The following USO1 variants were observed in gnomAD, a reference collection of about 807,000 sequenced individuals.
The protein encoded by USO1 is USO1 vesicle transport factor.
USO1 carries 57 observed loss-of-function variants against 124.5 expected under a neutral mutation model. The ratio of observed to expected loss-of-function variants is 0.46; its 90% confidence interval spans 0.37 to 0.57. USO1 has a LOEUF of 0.57. Ranked by LOEUF, USO1 falls within the 20% of genes least tolerant of loss-of-function variation. USO1 has a pLI of 0.00. For missense variants in USO1, 900 were observed against 1,040.6 expected (o/e 0.86, Z 1.86); for synonymous variants, 369 against 362.8 (o/e 1.02, Z -0.19).
intron 18 of USO1, 121 bp downstream of exon 18, chr4:75,804,393 A>T: frequency 7.2e-7 from 1 of 1,398,598 alleles, no homozygotes; most frequent in Non-Finnish European, 9.4e-7. Context: ...TGGTGACAAA[A>T]ATGTAAATCG....
intron 17 of USO1, among the ~76,000 whole-genome samples, chr4:75,802,736 C>CTTTTTTT (rs997798305): frequency 8.2e-4 from 52 of 63,738 alleles, no homozygotes; most frequent in African/African-American, 2.6e-3. Flanking sequence ...TTTTTCTTTT[C>CTTTTTTT]TTTTTTTTTT....
At chr4:75,772,970 C>T (rs1216639304) in intron 7 of USO1, among the ~76,000 whole-genome samples, 4 of 151,716 alleles carry the variant, frequency 2.6e-5, no homozygotes, top group South Asian at 2.1e-4. Flanking sequence ...TAGTGGCGGG[C>T]GCCTGTAATA....
At chr4:75,765,874 G>T (rs1396732752) in intron 4 of USO1, among the ~76,000 whole-genome samples, 4 of 152,108 alleles carry the variant, frequency 2.6e-5, no homozygotes, top group African/African-American at 9.7e-5. Context: ...GGCCTTTGTA[G>T]CATCAATCCT....
In USO1 at chr4:75,724,918, G is replaced by T. The variant is rs752014152; in HGVS notation, c.66+33G>T. 4.3e-6 allele frequency: 7 copies of T among 1,611,556 alleles called. No individual in the cohort carries two copies. In the Admixed American group the frequency reaches 1.2e-4, roughly 27 times the overall value. On this transcript the variant is annotated intron_variant, in intron 1 of 23. Transcript: ENST00000514213. ...GAGCAGCGGGTCTGGGACTTGGGAAGGGGTCCGGGCAGGGACGGGGACGGA... is the reference window on the plus strand; with the variant it reads ...GAGCAGCGGGTCTGGGACTTGGGAATGGGTCCGGGCAGGGACGGGGACGGA...
intron 8 of USO1, among the ~76,000 whole-genome samples, chr4:75,776,349 A>G (rs1230391606): frequency 6.6e-6 from 1 of 152,200 alleles, no homozygotes; most frequent in Non-Finnish European, 1.5e-5. Flanking sequence ...TAATTGGGTT[A>G]TAGGGTGTTT....
chr4:75,751,556 C>T (rs992030846), intron 1 of USO1, among the ~76,000 whole-genome samples: 2 of 147,024 alleles, frequency 1.4e-5, no homozygotes. Context: ...TTTGGCCGGG[C>T]GCAGTGGCTC....
rs559078158 is a variant in USO1 at position 75,780,770 on chromosome 4, C to T, written c.677-1910C>T. Reference sequence around the variant, plus strand: ...TCAAGCAATTCTCGTACCTCAGCCTCGTGAGTAGCTGGGATTACAGGTATG... The same window carrying T: ...TCAAGCAATTCTCGTACCTCAGCCTTGTGAGTAGCTGGGATTACAGGTATG... On this transcript the variant is annotated intron_variant, in intron 8 of 23. Transcript: ENST00000514213. Among the ~76,000 whole-genome samples, 25 of 149,306 alleles carry T rather than the reference C, an allele frequency of 1.7e-4. No homozygotes were observed. In the East Asian group the frequency reaches 2.8e-3, roughly 17 times the overall value.
intron 20 of USO1, among the ~76,000 whole-genome samples, chr4:75,808,583 G>A (rs938560838): frequency 6.6e-6 from 1 of 151,720 alleles, no homozygotes; most frequent in African/African-American, 2.4e-5. Flanking sequence ...GCTTTCTCAG[G>A]TGTGCTGATT....
At chr4:75,797,171 A>G (rs186563) in intron 13 of USO1, among the ~76,000 whole-genome samples, 31 of 151,752 alleles carry the variant, frequency 2.0e-4, no homozygotes, top group African/African-American at 7.3e-4. Context: ...CTGGTCTCCA[A>G]TCCCCCCAAA....
intron 7 of USO1, 131 bp downstream of exon 7, chr4:75,771,268 A>G: frequency 1.9e-6 from 2 of 1,080,616 alleles, no homozygotes; most frequent in South Asian, 3.7e-5. Context: ...TAAAAAAATT[A>G]AAAATTAGTA....
In USO1 at chr4:75,793,855, A is replaced by G. The variant is rs755633641; in HGVS notation, c.1406A>G (p.Asn469Ser). 6.2e-7 allele frequency: 1 copy of G among 1,613,974 alleles called. No individual in the cohort carries two copies. Among genetic ancestry groups the G allele is most frequent in the Non-Finnish European group, 8.5e-7 (1 of 1,179,878 alleles). The change falls in exon 13 of 24, where the codon AAC (asparagine) becomes AGC (serine). Residue 469 changes from asparagine (N) to serine (S), a missense_variant. By Grantham distance (46) the Asn-to-Ser change is conservative. Coordinates refer to ENST00000514213, the MANE Select transcript of USO1 (RefSeq NM_003715.4). Reference sequence around the variant, plus strand: ...GTTCAACTTGCTACAAGTATTGGCAACCCTCCAGTTTCTTTACTTCAACAG... The same window carrying G: ...GTTCAACTTGCTACAAGTATTGGCAGCCCTCCAGTTTCTTTACTTCAACAG... ...LRVQLATSIG[N>S]PPVSLLQQCT...
intron 8 of USO1, among the ~76,000 whole-genome samples, chr4:75,776,923 T>G (rs528727006): frequency 7.0e-4 from 107 of 152,322 alleles, no homozygotes; most frequent in African/African-American, 2.5e-3. Flanking sequence ...GGTGTATATT[T>G]ATGTACTAAT....
chr4:75,807,465 C>G (rs910116020), intron 20 of USO1, among the ~76,000 whole-genome samples: 5 of 151,982 alleles, frequency 3.3e-5, no homozygotes, highest in African/African-American at 4.8e-5. Context: ...GCAACTGGCC[C>G]TAGTCCACTG....
rs188080472 is a variant in USO1 at position 75,811,416 on chromosome 4, C to A, written c.2584-744C>A. 7.4e-3 allele frequency among the ~76,000 whole-genome samples: 1,126 copies of A among 152,286 alleles called. 11 individuals carry two copies. Among genetic ancestry groups the A allele is most frequent in the African/African-American group, 0.019 (784 of 41,564 alleles). On this transcript the variant is annotated intron_variant, in intron 22 of 23. Transcript: ENST00000514213. ...GGTGATCTGCCCGCATTGGCCCCCC[C>A]CAAAGTGCTGGGATTACAGGCGTGA...
chr4:75,745,892 T>C (rs1350247271), intron 1 of USO1, among the ~76,000 whole-genome samples: 1 of 151,820 alleles, frequency 6.6e-6, no homozygotes, highest in Non-Finnish European at 1.5e-5. Context: ...AGAGTGAGAC[T>C]CCGTGTCAAA....
At chr4:75,731,405 T>TA (rs1720626812) in intron 1 of USO1, among the ~76,000 whole-genome samples, 1 of 151,908 alleles carries the variant, frequency 6.6e-6, no homozygotes, top group Non-Finnish European at 1.5e-5. Context: ...CTGCTAAAAA[T>TA]ACAAAAATTA....
chr4:75,782,559 CT>C, intron 8 of USO1, 120 bp from the exon 9 acceptor site: 1 of 1,320,916 alleles, frequency 7.6e-7, no homozygotes, highest in Non-Finnish European at 1.0e-6. Context: ...AGCAGACTGT[CT>C]ATCTGCCTGG....
chr4:75,812,857 T>C (rs1339275699), intron 23 of USO1, among the ~76,000 whole-genome samples: 1 of 152,308 alleles, frequency 6.6e-6, no homozygotes, highest in South Asian at 2.1e-4. Flanking sequence ...ACACCTGTAA[T>C]CCTAGCACTT....
intron 7 of USO1, among the ~76,000 whole-genome samples, chr4:75,774,072 C>T (rs1296122946): frequency 6.6e-6 from 1 of 152,120 alleles, no homozygotes; most frequent in Admixed American, 6.5e-5. Flanking sequence ...CTGTATCCAG[C>T]TTACCAGGAG....
Sources: allele counts gnomAD v4.1 joint callset (sites outside exome capture counted in the v4.1 genomes callset), GRCh38; gene constraint gnomAD v4.1.1; transcripts MANE v1.5; gene names NCBI Gene and HGNC (gene_info 2026-07-23, HGNC 2026-07-21).